Variants in NDST4 observed in about 807,000 individuals in gnomAD.
NDST4 encodes N-deacetylase and N-sulfotransferase 4.
Under a neutral mutation model 100.8 loss-of-function variants are expected in NDST4, and 63 were observed. The ratio of observed to expected loss-of-function variants is 0.62; its 90% CI spans 0.51 to 0.77. The LOEUF (loss-of-function observed/expected upper bound fraction) is 0.77, where lower values mean the gene tolerates loss of function less well. NDST4 is among the 30% of genes least tolerant of loss of function. The probability of loss-of-function intolerance (pLI) is 0.00; values close to 1 mark genes in which losing one functional copy is unlikely to be tolerated. For synonymous variants in NDST4, 377 were observed against 361.8 expected (o/e 1.04, Z -0.48); for missense variants, 943 against 1,018.4 (o/e 0.93, Z 1.01).
intron 1 of NDST4, among the ~76,000 whole-genome samples, chr4:115,095,824 G>T (rs985221698): frequency 2.0e-5 from 3 of 151,988 alleles, no homozygotes; most frequent in African/African-American, 7.2e-5. Flanking sequence ...ATAGTCATAT[G>T]CTAGGTCTTT....
chr4:114,896,622 C>G (rs1000274595), intron 6 of NDST4, among the ~76,000 whole-genome samples: 1 of 103,884 alleles, frequency 9.6e-6, no homozygotes, highest in Non-Finnish European at 2.1e-5. Context: ...GACTCCGTCT[C>G]AAAAAAAAAA....
Position 114,837,758 on chromosome 4 carries a change from T to C in NDST4, c.2286+1620A>G, listed in dbSNP as rs368429354. 5.9e-5 allele frequency among the ~76,000 whole-genome samples: 9 copies of C among 152,310 alleles called. No individual in the cohort carries two copies. The East Asian group carries it at 1.4e-3, about 23-fold the overall frequency. ...AACCTAGGCAATACCATTCAGGACA[T>C]AGGCATGGGCAAAGACTTTATGACT... On this transcript the variant is annotated intron_variant, in intron 11 of 13. Coordinates refer to ENST00000264363, the MANE Select transcript of NDST4 (RefSeq NM_022569.3).
At chr4:114,882,984 T>G (rs1405762468) in intron 6 of NDST4, among the ~76,000 whole-genome samples, 1 of 152,024 alleles carries the variant, frequency 6.6e-6, no homozygotes, top group Admixed American at 6.6e-5. Context: ...AATCTGGGAT[T>G]CTATATCCAA....
rs111283005 is a variant in NDST4 at position 114,897,797 on chromosome 4, G to A, written c.1537-26847C>T. Among the ~76,000 whole-genome samples, 237 of 152,290 alleles carry A rather than the reference G, an allele frequency of 1.6e-3. 1 individual carries two copies. The highest frequency in any genetic ancestry group is 5.1e-3 in the African/African-American group (211 of 41,568). On this transcript the variant is annotated intron_variant, in intron 6 of 13. Coordinates refer to ENST00000264363, the MANE Select transcript of NDST4 (RefSeq NM_022569.3). ...AATAGGTTTTTAGTGGTATTAACCT[G>A]CATTTCCCTGATGACATGATGTGGA...
At chr4:115,078,055 A>G (rs1729225009) in intron 1 of NDST4, among the ~76,000 whole-genome samples, 1 of 152,234 alleles carries the variant, frequency 6.6e-6, no homozygotes, top group Non-Finnish European at 1.5e-5. Flanking sequence ...CTATTTCTCT[A>G]TCACTTCCTT....
intron 7 of NDST4, among the ~76,000 whole-genome samples, chr4:114,865,670 A>G (rs1050790434): frequency 6.6e-6 from 1 of 151,200 alleles, no homozygotes; most frequent in African/African-American, 2.5e-5. Context: ...ACTTTATTTT[A>G]TTTTCAAGGG....
At chr4:114,842,527 C>T (rs944725001) in intron 10 of NDST4, 2 of 170,648 alleles carry the variant, frequency 1.2e-5, no homozygotes, top group African/African-American at 4.9e-5. Context: ...CGCGGTGGCT[C>T]ACGCCTGTAA....
intron 2 of NDST4, among the ~76,000 whole-genome samples, chr4:114,990,278 C>A (rs1407271798): frequency 6.6e-6 from 1 of 152,046 alleles, no homozygotes; most frequent in African/African-American, 2.4e-5. Context: ...ATTACTAGCA[C>A]TTTTATTCCA....
chr4:115,065,423 G>T (rs1006571805), intron 2 of NDST4, among the ~76,000 whole-genome samples: 8 of 152,036 alleles, frequency 5.3e-5, no homozygotes, highest in African/African-American at 1.9e-4. Flanking sequence ...ATAGTTCTGG[G>T]TTTGTTCCTT....
At chr4:115,024,413 C>T (rs1727933449) in intron 2 of NDST4, among the ~76,000 whole-genome samples, 2 of 151,544 alleles carry the variant, frequency 1.3e-5, no homozygotes, top group Admixed American at 6.6e-5. Flanking sequence ...CGGAGTCAAA[C>T]GTCATTATTC....
intron 1 of NDST4, among the ~76,000 whole-genome samples, chr4:115,094,523 A>G (rs75832768): frequency 0.031 from 4,664 of 152,296 alleles, 108 homozygotes; most frequent in Middle Eastern, 0.092. Flanking sequence ...AAACCAAGCC[A>G]GTTATCTATA....
At chr4:115,102,698 G>T (rs1578522881) in intron 1 of NDST4, among the ~76,000 whole-genome samples, 1 of 100,396 alleles carries the variant, frequency 1.0e-5, no homozygotes. Flanking sequence ...ATATACTTCT[G>T]ACTTCCTTTT....
chr4:114,834,846 A>G (rs913290590), intron 11 of NDST4, among the ~76,000 whole-genome samples: 1 of 152,168 alleles, frequency 6.6e-6, no homozygotes, highest in Non-Finnish European at 1.5e-5. Flanking sequence ...GGGAAGGTGT[A>G]TGTGTCCAGT....
rs1182421088 is a variant in NDST4, at chr4:115,108,673, T to C, written c.-247+4771A>G. ...AAAAAAGAATTCCACTTAAATAATT[T>C]AGTAAATTAAATGGAAATTTATAGG... is the stretch of plus-strand genomic sequence containing the variant. On this transcript the variant is annotated intron_variant, in intron 1 of 13. Transcript: ENST00000264363. Among the ~76,000 whole-genome samples, 3 of 151,944 alleles carry C rather than the reference T, an allele frequency of 2.0e-5. No homozygotes were observed. In the East Asian group the frequency reaches 5.8e-4, roughly 29 times the overall value.
At chr4:114,878,478 G>A (rs1011896468) in intron 6 of NDST4, among the ~76,000 whole-genome samples, 1 of 152,152 alleles carries the variant, frequency 6.6e-6, no homozygotes, top group Non-Finnish European at 1.5e-5. Flanking sequence ...TATCCCAGAA[G>A]TTTGTATTTA....
intron 4 of NDST4, among the ~76,000 whole-genome samples, chr4:114,958,120 A>G (rs1726179442): frequency 6.6e-6 from 1 of 152,202 alleles, no homozygotes; most frequent in African/African-American, 2.4e-5. Context: ...CTCCCACCTC[A>G]CATTTCCCTT....
chr4:114,971,062 A>AG (rs1279520057), intron 3 of NDST4, among the ~76,000 whole-genome samples: 1 of 151,878 alleles, frequency 6.6e-6, no homozygotes, highest in Non-Finnish European at 1.5e-5. Context: ...AACAACAACA[A>AG]AAAACCTGTA....
chr4:114,920,216 A>G lies in NDST4; in HGVS notation c.1536+14990T>C, dbSNP rs983893435. Among the ~76,000 whole-genome samples, 9 of 152,264 alleles carry G rather than the reference A, an allele frequency of 5.9e-5. No homozygotes were observed. In the South Asian group the frequency reaches 6.2e-4, roughly 11 times the overall value. On this transcript the variant is annotated intron_variant, in intron 6 of 13. Transcript: ENST00000264363. Reference sequence around the variant, plus strand: ...GCTGCATCAAATTTGGGGCAGTGTGATATATTTAATTTCTTTTTTATTTTT... The same window carrying G: ...GCTGCATCAAATTTGGGGCAGTGTGGTATATTTAATTTCTTTTTTATTTTT...
intron 6 of NDST4, among the ~76,000 whole-genome samples, chr4:114,900,990 C>T (rs147420088): frequency 0.01 from 1,519 of 151,468 alleles, 20 homozygotes; most frequent in Middle Eastern, 0.034. Flanking sequence ...TTTAATTCCA[C>T]TATAGTCTGA....
Sources: gnomAD v4.1 joint callset for allele counts (sites outside exome capture counted in the v4.1 genomes callset) on GRCh38, gnomAD v4.1.1 for gene constraint, MANE v1.5 for transcripts, NCBI Gene and HGNC (gene_info 2026-07-23, HGNC 2026-07-21) for gene names.